ABLIM2: variants seen among roughly 807,000 people sequenced by gnomAD.
The protein encoded by ABLIM2 is actin binding LIM protein family member 2, also known as actin-binding LIM protein 2.
ABLIM2 carries 53 observed loss-of-function variants against 97.7 expected under a neutral mutation model. The observed-to-expected ratio is 0.54, with a 90% CI of 0.44 to 0.68. The LOEUF is 0.68. Ranked by LOEUF, ABLIM2 falls within the 30% of genes least tolerant of loss-of-function variation. The probability of loss-of-function intolerance (pLI) is 0.00; values close to 1 mark genes in which losing one functional copy is unlikely to be tolerated. For synonymous variants in ABLIM2, 361 were observed against 345.8 expected (o/e 1.04, Z -0.49); for missense variants, 835 against 867.2 (o/e 0.96, Z 0.47).
At chr4:8,045,088 G>A (rs951335731) in intron 9 of ABLIM2, 76 bp downstream of exon 9, 4 of 1,349,996 alleles carry the variant, frequency 3.0e-6, no homozygotes, top group Non-Finnish European at 4.2e-6. Context: ...TTAGGGGTGG[G>A]CTTAGCCACG....
chr4:7,988,171 C>T lies in ABLIM2; in HGVS notation c.1681-3278G>A, dbSNP rs554074108. On this transcript the variant is annotated intron_variant, in intron 17 of 20. Coordinates refer to ENST00000447017, the MANE Select transcript of ABLIM2 (RefSeq NM_001130083.2). Reference sequence around the variant, plus strand: ...CTGAGTAGCTGGGATTACAGGCATGCGTCACCATGCCTGGCTAATTTTTGT... The same window carrying T: ...CTGAGTAGCTGGGATTACAGGCATGTGTCACCATGCCTGGCTAATTTTTGT... Among the ~76,000 whole-genome samples, 7 of 152,166 alleles carry T rather than the reference C, an allele frequency of 4.6e-5. No individual in the cohort carries two copies. In the South Asian group the frequency reaches 8.3e-4, roughly 18 times the overall value.
At chr4:8,080,080 T>A (rs1398712121) in intron 5 of ABLIM2, among the ~76,000 whole-genome samples, 1 of 152,232 alleles carries the variant, frequency 6.6e-6, no homozygotes, top group Non-Finnish European at 1.5e-5. Flanking sequence ...AAGGCCATTA[T>A]CTTCCCAGAA....
chr4:7,966,771 C>A lies in ABLIM2; in HGVS notation c.*219G>T, dbSNP rs921999060. Reference sequence around the variant, plus strand: ...GCCTCTCCCTGACACCAAGCCACAGCGGGGAAGGGTGGCGTGAAGCTAGCC... The same window carrying A: ...GCCTCTCCCTGACACCAAGCCACAGAGGGGAAGGGTGGCGTGAAGCTAGCC... On this transcript the variant is annotated 3_prime_UTR_variant, in exon 21 of 21. Coordinates refer to ENST00000447017, the MANE Select transcript of ABLIM2 (RefSeq NM_001130083.2). 9 of 555,328 alleles carry A rather than the reference C, an allele frequency of 1.6e-5. No homozygotes were observed. The highest frequency in any genetic ancestry group is 2.6e-5 in the Non-Finnish European group (8 of 310,958). The allele number at this position is 555,328 out of a possible 1,614,324, so 34.4% of individuals were successfully genotyped here.
intron 20 of ABLIM2, among the ~76,000 whole-genome samples, chr4:7,973,075 C>CTCTGTGTG (rs746286244): frequency 4.8e-5 from 6 of 123,978 alleles, no homozygotes; most frequent in African/African-American, 9.2e-5. Context: ...GCTCCCCTTG[C>CTCTGTGTG]TGTGTGTGTG....
chr4:7,973,650 G>A (rs1045473801), intron 20 of ABLIM2, among the ~76,000 whole-genome samples: 1 of 152,186 alleles, frequency 6.6e-6, no homozygotes, highest in Non-Finnish European at 1.5e-5. Context: ...GACTAAGTGT[G>A]CAATTTACAA....
chr4:8,046,389 C>T lies in ABLIM2; in HGVS notation c.823-1148G>A, dbSNP rs34019254. Among the ~76,000 whole-genome samples, 1 of 152,224 alleles carries T rather than the reference C, an allele frequency of 6.6e-6. No homozygotes were observed. The highest frequency in any genetic ancestry group is 2.4e-5 in the African/African-American group (1 of 41,536). Reference sequence around the variant, plus strand: ...CCCTCTCCTGGTTCAGCCCTCACTCCTGGGCCACCTGCCTGGCCTTCCCCA... The same window carrying T: ...CCCTCTCCTGGTTCAGCCCTCACTCTTGGGCCACCTGCCTGGCCTTCCCCA... On this transcript the variant is annotated intron_variant, in intron 8 of 20. Transcript: ENST00000447017. The surrounding 1 kb of genome is among the most constrained non-coding windows in gnomAD (Gnocchi z 4.4).
At chr4:8,090,606 T>A (rs1826658440) in intron 3 of ABLIM2, among the ~76,000 whole-genome samples, 1 of 152,152 alleles carries the variant, frequency 6.6e-6, no homozygotes, top group Non-Finnish European at 1.5e-5. Context: ...CTGTCTACAA[T>A]CATGCTGCTC....
intron 1 of ABLIM2, among the ~76,000 whole-genome samples, chr4:8,154,714 T>C (rs190626453): frequency 6.6e-6 from 1 of 152,326 alleles, no homozygotes; most frequent in East Asian, 1.9e-4. Context: ...CAAGAGAACA[T>C]AGATTTTGGG....
chr4:8,136,867 C>T (rs113031446), intron 1 of ABLIM2, among the ~76,000 whole-genome samples: 2 of 152,224 alleles, frequency 1.3e-5, no homozygotes, highest in East Asian at 1.9e-4. Flanking sequence ...TCCTGTCACT[C>T]GCTACTATGG....
rs1460171190 is a variant in ABLIM2 at position 7,998,811 on chromosome 4, G to A, written c.1619-5884C>T. Reference sequence around the variant, plus strand: ...CAGGGCTGCTGTCCCTTGAGGTCCCGAGGCTGCCTCGCCAGGCCACTTTGC... The same window carrying A: ...CAGGGCTGCTGTCCCTTGAGGTCCCAAGGCTGCCTCGCCAGGCCACTTTGC... On this transcript the variant is annotated intron_variant, in intron 16 of 20. Coordinates refer to ENST00000447017, the MANE Select transcript of ABLIM2 (RefSeq NM_001130083.2). The surrounding 1 kb of genome is among the most constrained non-coding windows in gnomAD (Gnocchi z 6.4). Among the ~76,000 whole-genome samples the A allele has an allele frequency of 2.0e-5, 3 of 152,188 alleles. No individual in the cohort carries two copies. The highest frequency in any genetic ancestry group is 4.8e-5 in the African/African-American group (2 of 41,458).
At chr4:7,983,526 T>G (rs369579061) in intron 19 of ABLIM2, 21 bp downstream of exon 19, 20 of 1,612,762 alleles carry the variant, frequency 1.2e-5, no homozygotes, top group African/African-American at 2.7e-5. Context: ...CGGAGGTCAG[T>G]GTGGGAGCGG....
chr4:8,045,192 G>A lies in ABLIM2; in HGVS notation c.872C>T (p.Thr291Ile), dbSNP rs1350058857. Residue 291 changes from threonine (T) to isoleucine (I), a missense_variant, in exon 9 of 21, where the codon ACC becomes ATC. Thr to Ile is a moderately conservative substitution (Grantham distance 89, BLOSUM62 -1). Transcript: ENST00000447017. Reference protein sequence around the residue: ...ESIISVPASSTSGSPSRVIYA... With the variant: ...ESIISVPASSISGSPSRVIYA... ...AATCACACGGCTCGGAGACCCTGAG[G>A]TGCTGGAAGCAGGGACAGAAATGAT... 2.5e-5 allele frequency: 40 copies of A among 1,613,880 alleles called. No individual in the cohort carries two copies. Among genetic ancestry groups the A allele is most frequent in the Non-Finnish European group, 3.2e-5 (38 of 1,179,864 alleles).
chr4:8,027,497 G>C (rs1579052238), intron 12 of ABLIM2, among the ~76,000 whole-genome samples: 1 of 152,202 alleles, frequency 6.6e-6, no homozygotes, highest in East Asian at 1.9e-4. Context: ...GGGTGTGCAG[G>C]AACCCGGGTC....
chr4:8,129,989 C>T (rs1849136544), intron 1 of ABLIM2, among the ~76,000 whole-genome samples: 1 of 152,224 alleles, frequency 6.6e-6, no homozygotes, highest in Admixed American at 6.5e-5. Context: ...TTCTGCTAGT[C>T]AGCACAGCTG....
At chr4:7,974,304 C>CATCCACCA (rs1489556083) in intron 20 of ABLIM2, among the ~76,000 whole-genome samples, 5 of 151,142 alleles carry the variant, frequency 3.3e-5, no homozygotes, top group Non-Finnish European at 7.4e-5. Context: ...CCCATCCACC[C>CATCCACCA]ATCCACCAAT....
At chr4:7,973,213 A>C (rs2149425559) in intron 20 of ABLIM2, among the ~76,000 whole-genome samples, 1 of 152,176 alleles carries the variant, frequency 6.6e-6, no homozygotes, top group African/African-American at 2.4e-5. Flanking sequence ...AGGAAGCATA[A>C]GAAAGCTGAG....
chr4:8,040,093 C>T (rs1323554816), intron 9 of ABLIM2, among the ~76,000 whole-genome samples: 2 of 152,174 alleles, frequency 1.3e-5, no homozygotes, highest in African/African-American at 4.8e-5. Flanking sequence ...TGGTGCATTC[C>T]TGTGCACGTG....
At chr4:8,024,406 T>C (rs1775977967) in intron 12 of ABLIM2, among the ~76,000 whole-genome samples, 1 of 151,676 alleles carries the variant, frequency 6.6e-6, no homozygotes, top group African/African-American at 2.4e-5. Context: ...CTGCCAGCAT[T>C]CGGTGGGGGG....
In ABLIM2 at chr4:8,124,953, G is replaced by A. The variant is rs1847188119; in HGVS notation, c.11-18316C>T. 1.3e-5 allele frequency among the ~76,000 whole-genome samples: 2 copies of A among 152,174 alleles called. No individual in the cohort carries two copies. The highest frequency in any genetic ancestry group is 4.8e-5 in the African/African-American group (2 of 41,436). ...AATCGCGTCTCACTGGGATTCTGAT[G>A]TGCCGTTCCCTGTGGGCGAATGATG... On this transcript the variant is annotated intron_variant, in intron 1 of 20. Coordinates refer to ENST00000447017, the MANE Select transcript of ABLIM2 (RefSeq NM_001130083.2). This position sits in a 1 kb window ranked among gnomAD's most constrained non-coding sequence, Gnocchi z 6.1.
Sources: allele counts gnomAD v4.1 joint callset (sites outside exome capture counted in the v4.1 genomes callset), GRCh38; gene constraint gnomAD v4.1.1; non-coding constraint Gnocchi (gnomAD v3.1); transcripts MANE v1.5; gene names NCBI Gene and HGNC (gene_info 2026-07-23, HGNC 2026-07-21).